Variants in PSME3IP1 observed in about 807,000 individuals in gnomAD.
PSME3IP1 encodes proteasome activator subunit 3 interacting protein 1.
Under a neutral mutation model 34.1 loss-of-function variants are expected in PSME3IP1, and 13 were observed. The ratio of observed to expected loss-of-function variants is 0.38; its 90% confidence interval spans 0.25 to 0.61. The LOEUF is 0.61. Ranked by LOEUF, PSME3IP1 falls within the 20% of genes least tolerant of loss-of-function variation. The probability of loss-of-function intolerance (pLI) is 0.60; values close to 1 mark genes in which losing one functional copy is unlikely to be tolerated. For missense variants in PSME3IP1, 237 were observed against 301.4 expected (o/e 0.79, Z 1.58); for synonymous variants, 93 against 114.3 (o/e 0.81, Z 1.19).
At chr16:57,172,608 C>A (rs1395337992) in intron 3 of PSME3IP1, among the ~76,000 whole-genome samples, 168 bp downstream of exon 3, 1 of 152,068 alleles carries the variant, frequency 6.6e-6, no homozygotes, top group African/African-American at 2.4e-5. Context: ...CAAAAATATT[C>A]AATGTGGTCT....
chr16:57,170,192 C>T (rs2072398384), intron 4 of PSME3IP1, among the ~76,000 whole-genome samples: 1 of 151,842 alleles, frequency 6.6e-6, no homozygotes, highest in Non-Finnish European at 1.5e-5. Flanking sequence ...AAGCGATTCT[C>T]CTGCCTCAGC....
chr16:57,161,803 G>A (rs1208185880), intron 6 of PSME3IP1, among the ~76,000 whole-genome samples: 2 of 152,022 alleles, frequency 1.3e-5, no homozygotes, highest in African/African-American at 4.8e-5. Flanking sequence ...GAGTCACCGC[G>A]CCCGGCCAAG....
intron 5 of PSME3IP1, among the ~76,000 whole-genome samples, 153 bp from the exon 6 acceptor site, chr16:57,164,218 T>C (rs2071592785): frequency 6.6e-6 from 1 of 152,230 alleles, no homozygotes; most frequent in Non-Finnish European, 1.5e-5. Flanking sequence ...TTTCAGATTC[T>C]TAATCTCCTT....
chr16:57,169,647 T>C (rs769040273), intron 4 of PSME3IP1, among the ~76,000 whole-genome samples: 2 of 152,192 alleles, frequency 1.3e-5, no homozygotes, highest in Non-Finnish European at 2.9e-5. Flanking sequence ...TTCCTTTTAA[T>C]TGAAAACCAA....
At chr16:57,171,366 C>T (rs1428662035) in intron 4 of PSME3IP1, among the ~76,000 whole-genome samples, 1 of 152,146 alleles carries the variant, frequency 6.6e-6, no homozygotes, top group African/African-American at 2.4e-5. Context: ...GAACCTTCTA[C>T]GGCCTGATAC....
intron 5 of PSME3IP1, among the ~76,000 whole-genome samples, chr16:57,164,645 T>C (rs1385783517): frequency 2.0e-5 from 3 of 152,216 alleles, no homozygotes; most frequent in Non-Finnish European, 1.5e-5. Flanking sequence ...CAACAGACCA[T>C]ACTGAAGTCA....
chr16:57,184,205 G>C (rs1410541301), intron 1 of PSME3IP1, among the ~76,000 whole-genome samples: 1 of 150,522 alleles, frequency 6.6e-6, no homozygotes, highest in Non-Finnish European at 1.5e-5. Flanking sequence ...CAGAGTAAAA[G>C]ACATAGAGAA....
rs1284667717 is a variant in PSME3IP1, at chr16:57,154,388, C to T, written c.667G>A (p.Asp223Asn). The T allele has an allele frequency of 7.4e-6, 12 of 1,613,994 alleles. No homozygotes were observed. Among genetic ancestry groups the T allele is most frequent in the East Asian group, 2.2e-5 (1 of 44,854 alleles). ...PGLGAYSGSS[D>N]SESSSDSEGT... ...TCGCTGTCTGAGCTGGACTCGGAGTCGCTGCTCCCAGAGTAGGCACCCAGG... is the reference window on the plus strand; with the variant it reads ...TCGCTGTCTGAGCTGGACTCGGAGTTGCTGCTCCCAGAGTAGGCACCCAGG... Residue 223 changes from aspartate (D) to asparagine (N), a missense_variant, in exon 7 of 7, where the codon GAC (aspartate) becomes AAC (asparagine). Asp to Asn is a conservative substitution (Grantham distance 23). Coordinates refer to ENST00000309137, the MANE Select transcript of PSME3IP1 (RefSeq NM_024946.4). The surrounding 1 kb of genome is among the most constrained non-coding windows in gnomAD (Gnocchi z 4.0).
chr16:57,168,122 A>G (rs780388708), intron 4 of PSME3IP1, among the ~76,000 whole-genome samples: 17 of 152,260 alleles, frequency 1.1e-4, no homozygotes, highest in South Asian at 2.1e-4. Context: ...TAGACAACAG[A>G]TAAGTATTCT....
chr16:57,183,305 T>C (rs1946718635), intron 1 of PSME3IP1, among the ~76,000 whole-genome samples: 1 of 152,204 alleles, frequency 6.6e-6, no homozygotes, highest in African/African-American at 2.4e-5. Flanking sequence ...ATTCTCCACC[T>C]CTGCACTAAA....
intron 5 of PSME3IP1, 79 bp from the exon 6 acceptor site, chr16:57,164,144 T>G: frequency 1.6e-6 from 2 of 1,228,248 alleles, no homozygotes; most frequent in Non-Finnish European, 2.4e-6. Context: ...CTCCAATAAC[T>G]ATTTATATGG....
rs549167571 is a variant in PSME3IP1, at chr16:57,152,591, C to T, written c.*1699G>A. ...CAGTAATGGCCTCTTAAGAGTCATG[C>T]CACATAAAGATGATGACTTTGATGT... On this transcript the variant is annotated 3_prime_UTR_variant, in exon 7 of 7. Transcript: ENST00000309137. 6.5e-6 allele frequency: 1 copy of T among 152,734 alleles called. No homozygotes were observed. Among genetic ancestry groups the T allele is most frequent in the East Asian group, 1.9e-4 (1 of 5,190 alleles). The allele number at this position is 152,734 out of a possible 1,614,324, so 9.5% of individuals were successfully genotyped here.
chr16:57,182,946 G>A (rs1215810205), intron 1 of PSME3IP1, among the ~76,000 whole-genome samples: 1 of 152,094 alleles, frequency 6.6e-6, no homozygotes, highest in Non-Finnish European at 1.5e-5. Flanking sequence ...TATTTACCGA[G>A]AACCTATTAT....
chr16:57,162,405 C>T (rs2071359096), intron 6 of PSME3IP1, among the ~76,000 whole-genome samples: 2 of 152,128 alleles, frequency 1.3e-5, no homozygotes, highest in South Asian at 2.1e-4. Flanking sequence ...TGGCTCACAC[C>T]TGTAATCCCA....
At chr16:57,184,204 A>G (rs1188228097) in intron 1 of PSME3IP1, among the ~76,000 whole-genome samples, 1 of 152,118 alleles carries the variant, frequency 6.6e-6, no homozygotes, top group African/African-American at 2.4e-5. Flanking sequence ...ACAGAGTAAA[A>G]GACATAGAGA....
At chr16:57,176,964 C>T (rs1008056048) in intron 1 of PSME3IP1, among the ~76,000 whole-genome samples, 16 of 152,152 alleles carry the variant, frequency 1.1e-4, no homozygotes, top group African/African-American at 3.9e-4. Flanking sequence ...AAGCGATTCT[C>T]CTGCCTCAGC....
rs569055995 is a variant in PSME3IP1, at chr16:57,160,730, G to A, written c.547+3271C>T. ...GAGGAAGTGCTCTATGTCCAGTTAT[G>A]CAATGATTCCCAAGGTACAATAACT... On this transcript the variant is annotated intron_variant, in intron 6 of 6. Transcript: ENST00000309137. 4.6e-5 allele frequency among the ~76,000 whole-genome samples: 7 copies of A among 152,296 alleles called. No individual in the cohort carries two copies. The South Asian group carries it at 1.4e-3, about 32-fold the overall frequency.
chr16:57,154,192 G>T lies in PSME3IP1; in HGVS notation c.*98C>A, dbSNP rs2070228202. ...AATGTCATGTTGTACACAGGATGCA[G>T]GCAAAGGAGTTTTTTTTTGAGGGAC... On this transcript the variant is annotated 3_prime_UTR_variant, in exon 7 of 7. Coordinates refer to ENST00000309137, the MANE Select transcript of PSME3IP1 (RefSeq NM_024946.4). This position sits in a 1 kb window ranked among gnomAD's most constrained non-coding sequence, Gnocchi z 4.0. 5 of 986,520 alleles carry T rather than the reference G, an allele frequency of 5.1e-6. No individual in the cohort carries two copies. In the East Asian group the frequency reaches 1.0e-4, roughly 20 times the overall value. 61.1% of individuals were successfully genotyped at this position (986,520 alleles called of 1,614,324 possible).
At chr16:57,162,122 A>C (rs1204999320) in intron 6 of PSME3IP1, among the ~76,000 whole-genome samples, 1 of 152,034 alleles carries the variant, frequency 6.6e-6, no homozygotes, top group Non-Finnish European at 1.5e-5. Context: ...GGCTGGTCAC[A>C]AACTCCCAAC....
Sources: allele counts gnomAD v4.1 joint callset (sites outside exome capture counted in the v4.1 genomes callset), GRCh38; gene constraint gnomAD v4.1.1; non-coding constraint Gnocchi (gnomAD v3.1); transcripts MANE v1.5; gene names NCBI Gene and HGNC (gene_info 2026-07-23, HGNC 2026-07-21).